PLEC: variants seen among roughly 807,000 people sequenced by gnomAD.
The protein encoded by PLEC is hemidesmosomal protein 1.
PLEC carries 216 observed loss-of-function variants against 392.8 expected under a neutral mutation model. That is an observed-to-expected ratio of 0.55 (90% CI 0.49 to 0.62). The LOEUF is 0.62. PLEC is among the 20% of genes least tolerant of loss of function. The pLI is 0.00. For synonymous variants in PLEC, 3,621 were observed against 2,980.6 expected (o/e 1.21, Z -7.00); for missense variants, 6,863 against 6,563.4 (o/e 1.05, Z -1.58).
upstream of PLEC, chr8:143,942,590 C>T: frequency 6.8e-7 from 1 of 1,461,916 alleles, no homozygotes; most frequent in Non-Finnish European, 9.0e-7. Context: ...CCTCTGCTTC[C>T]AGCCCACGCT....
At position 143,923,156 on chromosome 8, in the gene PLEC, T is replaced by A; in HGVS notation, c.6773A>T (p.Asp2258Val). 1 of 1,602,796 alleles carries A rather than the reference T, an allele frequency of 6.2e-7. No homozygotes were observed. Among genetic ancestry groups the A allele is most frequent in the South Asian group, 1.1e-5 (1 of 91,080 alleles). ...CAGGAAGCGCTGCGTATTGTCCTTG[T>A]CACGCAAGATGAGTGCGCGGTTCTC... The part of the protein sequence containing the change: ...EAENRALILR[D>V]KDNTQRFLQE... The change falls in exon 31 of 32, where the codon GAC (aspartate) becomes GTC (valine). Residue 2258 changes from aspartate to valine, a missense_variant. Physicochemically the swap from Asp to Val is radical, Grantham distance 152. Coordinates refer to ENST00000345136, the MANE Select transcript of PLEC (RefSeq NM_201384.3).
In PLEC at chr8:143,921,811, C is replaced by T. The variant is rs1022821967; in HGVS notation, c.8010G>A (p.Gln2670=). Reference sequence around the variant, plus strand: ...CCGTGGTGTGGCCCTGCGCCAACCGCTGCAGCTCCTCCGCACTCAGGATGC... The same window carrying T: ...CCGTGGTGTGGCCCTGCGCCAACCGTTGCAGCTCCTCCGCACTCAGGATGC... ...EAGILSAEEL[Q]RLAQGHTTVD... Residue 2670 remains glutamine, a synonymous_variant, in exon 32 of 32, where the codon CAG becomes CAA. Coordinates refer to ENST00000345136, the MANE Select transcript of PLEC (RefSeq NM_201384.3). 1 of 1,608,884 alleles carries T rather than the reference C, an allele frequency of 6.2e-7. No homozygotes were observed. The highest frequency in any genetic ancestry group is 2.2e-5 in the East Asian group (1 of 44,886).
chr8:143,940,615 T>C (rs552392230), upstream of PLEC, among the ~76,000 whole-genome samples: 29 of 152,216 alleles, frequency 1.9e-4, no homozygotes, highest in South Asian at 4.1e-4. Flanking sequence ...CCGACCACCA[T>C]AGGAAAGAAT....
upstream of PLEC, among the ~76,000 whole-genome samples, chr8:143,976,543 C>A (rs1554746083): frequency 6.6e-6 from 1 of 152,154 alleles, no homozygotes; most frequent in Non-Finnish European, 1.5e-5. Flanking sequence ...TCCGCAGTCT[C>A]GGGCGTGCAG....
Position 143,925,723 on chromosome 8 carries a change from C to T in PLEC, c.4206G>A (p.Val1402=). ...ELQQRMQEEV[V]RREEAAVDAQ... ...CGTCCACCGCCGCCTCCTCCCGCCG[C>T]ACCACCTCCTCCTGCATGCGCTGCT... Residue 1402 remains valine, a synonymous_variant, in exon 31 of 32, where the codon GTG becomes GTA. Coordinates refer to ENST00000345136, the MANE Select transcript of PLEC (RefSeq NM_201384.3). The T allele has an allele frequency of 1.3e-6, 2 of 1,595,900 alleles. No homozygotes were observed. The highest frequency in any genetic ancestry group is 1.7e-6 in the Non-Finnish European group (2 of 1,178,112).
Position 143,916,314 on chromosome 8 carries a change from G to A in PLEC, c.13507C>T (p.Arg4503Cys), listed in dbSNP as rs548839677. 16 of 1,583,882 alleles carry A rather than the reference G, an allele frequency of 1.0e-5. No individual in the cohort carries two copies. Among genetic ancestry groups the A allele is most frequent in the African/African-American group, 6.7e-5 (5 of 74,180 alleles). Reference protein sequence around the residue: ...SRTGSRAGSRRGSFDATGSGF... With the variant: ...SRTGSRAGSRCGSFDATGSGF... ...GAGCCGGTGGCGTCAAAGCTGCCGC[G>A]GCGGGAGCCGGCCCGGGAGCCGGTG... The change falls in exon 32 of 32, where the codon CGC becomes TGC. Residue 4503 changes from arginine to cysteine, a missense_variant. Physicochemically the swap from Arg to Cys is radical, Grantham distance 180 (BLOSUM62 -3). Coordinates refer to ENST00000345136, the MANE Select transcript of PLEC (RefSeq NM_201384.3).
chr8:143,942,392 C>A (rs1479635434), upstream of PLEC: 9 of 1,603,258 alleles, frequency 5.6e-6, no homozygotes, highest in Non-Finnish European at 7.7e-6. Flanking sequence ...CTGCACCCAC[C>A]TACGCAGCAC....
chr8:143,920,817 G>A lies in PLEC; in HGVS notation c.9004C>T (p.Arg3002Ter), dbSNP rs137853161. ...IDRELYQQLQ[R>*]GERSVRDVAE... is the part of the protein sequence containing the mutation. ...ACGTCTCGCACAGAGCGCTCACCTC[G>A]CTGCAGCTGCTGGTAGAGCTCGCGG... is the stretch of plus-strand genomic sequence containing the variant. The change falls in exon 32 of 32, where the codon CGA (arginine) becomes TGA (stop). Residue 3002 changes from arginine (R) to a stop codon, truncating the protein, a stop_gained. Transcript: ENST00000345136. LOFTEE classifies it high-confidence loss of function. 1.9e-6 allele frequency: 3 copies of A among 1,608,176 alleles called. No homozygotes were observed. The highest frequency in any genetic ancestry group is 2.5e-6 in the Non-Finnish European group (3 of 1,179,916).
At position 143,927,547 on chromosome 8, in the gene PLEC, G is replaced by C. The variant is rs782816670; in HGVS notation, c.3619C>G (p.Arg1207Gly). 3 of 1,596,080 alleles carry C rather than the reference G, an allele frequency of 1.9e-6. 1 individual carries two copies. The South Asian group carries it at 3.3e-5, about 18-fold the overall frequency. ...VRQRELEQLG[R>G]QLRYYRESAD... ...CTCTCGCGGTAGTAACGCAGCTGGC[G>C]GCCCAGTTGCTCGAGCTCGCGCTGC... Residue 1207 changes from arginine (R) to glycine (G), a missense_variant, in exon 27 of 32, where the codon CGC becomes GGC. Coordinates refer to ENST00000345136, the MANE Select transcript of PLEC (RefSeq NM_201384.3).
At chr8:143,949,508 G>A (rs1302884741) in intron 1 of PLEC, among the ~76,000 whole-genome samples, 1 of 152,170 alleles carries the variant, frequency 6.6e-6, no homozygotes, top group Non-Finnish European at 1.5e-5. Flanking sequence ...GACCCGTCCT[G>A]TCCTGTGCGA....
rs1254577041 is a variant in PLEC, at chr8:143,935,034, C to T, written c.802G>A (p.Val268Met). ...LYDAMPRVPD[V>M]QDGVRANELQ... Reference sequence around the variant, plus strand: ...ACGTTGGCCCTCACCCCATCCTGCACGTCCGGCACGCGGGGCATGGCGTCA... The same window carrying T: ...ACGTTGGCCCTCACCCCATCCTGCATGTCCGGCACGCGGGGCATGGCGTCA... Residue 268 changes from valine (V) to methionine (M), a missense_variant, in exon 8 of 32, where the codon GTG becomes ATG. Val to Met is a conservative substitution (Grantham distance 21). Coordinates refer to ENST00000345136, the MANE Select transcript of PLEC (RefSeq NM_201384.3). 11 of 1,612,606 alleles carry T rather than the reference C, an allele frequency of 6.8e-6. No individual in the cohort carries two copies. Among genetic ancestry groups the T allele is most frequent in the African/African-American group, 2.7e-5 (2 of 74,922 alleles).
rs368477317 is a variant in PLEC at position 143,934,996 on chromosome 8, G to A, written c.825+15C>T. ...TCCAGGCCCAAGCCCCCTGCCCTCC[G>A]GGCCCCCCACTCACGTTGGCCCTCA... On this transcript the variant is annotated intron_variant, in intron 8 of 31. Coordinates refer to ENST00000345136, the MANE Select transcript of PLEC (RefSeq NM_201384.3). The A allele has an allele frequency of 1.9e-5, 31 of 1,611,690 alleles. No individual in the cohort carries two copies. Among genetic ancestry groups the A allele is most frequent in the Admixed American group, 8.3e-5 (5 of 59,984 alleles).
chr8:143,953,876 C>T (rs113508102), upstream of PLEC: 2 of 1,539,224 alleles, frequency 1.3e-6, no homozygotes, highest in South Asian at 1.2e-5. Context: ...CCCGGAGGTC[C>T]GGGGCAGGGC....
upstream of PLEC, among the ~76,000 whole-genome samples, chr8:143,953,179 G>A (rs1832372367): frequency 6.6e-6 from 1 of 151,368 alleles, no homozygotes; most frequent in African/African-American, 2.4e-5. Flanking sequence ...GCGACTGGGC[G>A]GCCCCTTCTC....
chr8:143,926,768 G>T lies in PLEC; in HGVS notation c.4044+16C>A. On this transcript the variant is annotated intron_variant, in intron 30 of 31. Coordinates refer to ENST00000345136, the MANE Select transcript of PLEC (RefSeq NM_201384.3). ...AGATGGAACCCTCTGCCCAGCCTCC[G>T]CCCAACGGGCTGTACCTCCTCCTCC... 2 of 1,602,622 alleles carry T rather than the reference G, an allele frequency of 1.2e-6. No homozygotes were observed. The highest frequency in any genetic ancestry group is 1.7e-6 in the Non-Finnish European group (2 of 1,170,062).
In PLEC at chr8:143,922,430, G is replaced by A. The variant is rs11786903; in HGVS notation, c.7426-35C>T. 0.39 allele frequency: 619,694 copies of A among 1,600,110 alleles called. 126,576 individuals are homozygous for A. The highest frequency in any genetic ancestry group is 0.42 in the Non-Finnish European group (497,004 of 1,179,776). On this transcript the variant is annotated intron_variant, in intron 31 of 31. Transcript: ENST00000345136. The stretch of plus-strand genomic sequence containing the variant: ...AAGAGGGTGTGATCAGGGACCGCCA[G>A]CCCAGGAGCACCCATCACCCACCAA...
chr8:143,925,086 G>C lies in PLEC; in HGVS notation c.4843C>G (p.Gln1615Glu), dbSNP rs782766351. Residue 1615 changes from glutamine to glutamate, a missense_variant, in exon 31 of 32, where the codon CAG becomes GAG. Physicochemically the swap from Gln to Glu is conservative, Grantham distance 29 (BLOSUM62 2). Transcript: ENST00000345136. Reference sequence around the variant, plus strand: ...GCCCGCTCGGCCTCGGCCTGCTGCTGTGCCCGCCGCTCAGCCTCCTCCCGC... The same window carrying C: ...GCCCGCTCGGCCTCGGCCTGCTGCTCTGCCCGCCGCTCAGCCTCCTCCCGC... ...QLREEAERRA[Q>E]QQAEAERARE... 6.9e-5 allele frequency: 107 copies of C among 1,540,048 alleles called. 1 individual carries two copies. The highest frequency in any genetic ancestry group is 3.5e-4 in the Middle Eastern group (2 of 5,720).
In PLEC at chr8:143,935,204, G is replaced by A. The variant is rs1554722037; in HGVS notation, c.712C>T (p.Pro238Ser). The change falls in exon 7 of 32, where the codon CCT becomes TCT. Residue 238 changes from proline to serine, a missense_variant. Pro to Ser is a moderately conservative substitution (Grantham distance 74). Coordinates refer to ENST00000345136, the MANE Select transcript of PLEC (RefSeq NM_201384.3). ...GAAGGCCACGCAGACGTACCCTCAG[G>A]GTCCAGGAGCCGCGTCACTCCCAGG... ...RDLGVTRLLD[P>S]EDVDVPQPDE... 1 of 1,612,584 alleles carries A rather than the reference G, an allele frequency of 6.2e-7. No homozygotes were observed. The highest frequency in any genetic ancestry group is 1.3e-5 in the African/African-American group (1 of 75,030).
chr8:143,918,622 C>A lies in PLEC; in HGVS notation c.11199G>T (p.Leu3733=), dbSNP rs1223078133. Residue 3733 remains leucine, a synonymous_variant, in exon 32 of 32, where the codon CTG becomes CTT. Coordinates refer to ENST00000345136, the MANE Select transcript of PLEC (RefSeq NM_201384.3). ...GCCGCTCCCCCTTCACCGGGTCCAGCAGGAAGCCTGTGGCTGCCTGTGCCT... is the reference window on the plus strand; with the variant it reads ...GCCGCTCCCCCTTCACCGGGTCCAGAAGGAAGCCTGTGGCTGCCTGTGCCT... ...LLEAQAATGF[L]LDPVKGERLT... 6.2e-7 allele frequency: 1 copy of A among 1,612,820 alleles called. No individual in the cohort carries two copies. Among genetic ancestry groups the A allele is most frequent in the Non-Finnish European group, 8.5e-7 (1 of 1,180,004 alleles).
Sources: gnomAD v4.1 joint callset for allele counts (sites outside exome capture counted in the v4.1 genomes callset) on GRCh38, gnomAD v4.1.1 for gene constraint, MANE v1.5 for transcripts, NCBI Gene and HGNC (gene_info 2026-07-23, HGNC 2026-07-21) for gene names.